Variants in MAGI2 observed in about 807,000 individuals in gnomAD.
The protein encoded by MAGI2 is membrane-associated guanylate kinase, WW and PDZ domain-containing protein 2.
Under a neutral mutation model 133.3 loss-of-function variants are expected in MAGI2, and 35 were observed. The observed-to-expected ratio is 0.26, with a 90% CI of 0.20 to 0.35. The LOEUF is 0.35. Ranked by LOEUF, MAGI2 falls within the 10% of genes least tolerant of loss-of-function variation. The pLI is 1.00. For synonymous variants in MAGI2, 729 were observed against 710.6 expected, an observed-to-expected ratio of 1.03 and a Z score of -0.41; for missense variants, 1,636 against 1,863.4, an observed-to-expected ratio of 0.88 and a Z score of 2.25.
intron 2 of MAGI2, among the ~76,000 whole-genome samples, chr7:78,655,987 AAAAAAAAAAAG>A (rs1373195949): frequency 6.6e-6 from 1 of 150,384 alleles, no homozygotes; most frequent in Admixed American, 6.6e-5. Context: ...TCTCAAAAAA[AAAAAAAAAAAG>A]AAAAAGAAAA....
At chr7:78,880,625 C>A (rs1274360622) in intron 2 of MAGI2, among the ~76,000 whole-genome samples, 2 of 152,162 alleles carry the variant, frequency 1.3e-5, no homozygotes, top group Admixed American at 1.3e-4. Flanking sequence ...CAGAAACACA[C>A]TTAAGTCCAT....
intron 1 of MAGI2, among the ~76,000 whole-genome samples, chr7:79,069,880 A>G (rs950974200): frequency 6.6e-6 from 1 of 152,090 alleles, no homozygotes; most frequent in Non-Finnish European, 1.5e-5. Context: ...GTTTGGATGG[A>G]TATGTAATTC....
At chr7:78,593,536 AC>A (rs1804268716) in intron 3 of MAGI2, among the ~76,000 whole-genome samples, 1 of 152,208 alleles carries the variant, frequency 6.6e-6, no homozygotes, top group Admixed American at 6.5e-5. Context: ...GGGAAACTCG[AC>A]TGGGCTTCTT....
chr7:79,429,646 T>G (rs1847640851), intron 1 of MAGI2, among the ~76,000 whole-genome samples: 1 of 152,184 alleles, frequency 6.6e-6, no homozygotes, highest in Admixed American at 6.5e-5. Flanking sequence ...AAAAGTTGTT[T>G]TAAAAATTGA....
intron 9 of MAGI2, among the ~76,000 whole-genome samples, chr7:78,263,850 C>T (rs1256268917): frequency 6.6e-6 from 1 of 152,144 alleles, no homozygotes; most frequent in Non-Finnish European, 1.5e-5. Flanking sequence ...TTGTCTCCTG[C>T]TTTTTCCAAC....
chr7:78,642,391 G>A (rs781556413), intron 2 of MAGI2, among the ~76,000 whole-genome samples: 1 of 152,170 alleles, frequency 6.6e-6, no homozygotes, highest in African/African-American at 2.4e-5. Context: ...CTTAGGTTAA[G>A]CATTCCAAGA....
chr7:78,141,305 T>C (rs1288231845), intron 16 of MAGI2, among the ~76,000 whole-genome samples: 1 of 152,170 alleles, frequency 6.6e-6, no homozygotes, highest in Non-Finnish European at 1.5e-5. Context: ...AAACTCCTGA[T>C]CTGTTTTTCT....
intron 9 of MAGI2, among the ~76,000 whole-genome samples, chr7:78,340,177 C>A (rs868019773): frequency 1.3e-5 from 2 of 152,020 alleles, no homozygotes; most frequent in Non-Finnish European, 2.9e-5. Flanking sequence ...ATATCATGAA[C>A]TAAATAAATG....
intron 1 of MAGI2, among the ~76,000 whole-genome samples, chr7:79,242,625 T>G (rs1528272): frequency 0.66 from 99,904 of 151,988 alleles, 33,244 homozygotes; most frequent in Non-Finnish European, 0.7. Flanking sequence ...AAAGAAATTA[T>G]CCTGATCTAA....
chr7:78,115,547 T>A (rs1367376868), intron 20 of MAGI2, among the ~76,000 whole-genome samples: 1 of 152,162 alleles, frequency 6.6e-6, no homozygotes, highest in Non-Finnish European at 1.5e-5. Flanking sequence ...ATGCTTATAA[T>A]AATATCAGAC....
intron 16 of MAGI2, among the ~76,000 whole-genome samples, chr7:78,142,029 C>T (rs1370949954): frequency 2.0e-5 from 3 of 152,240 alleles, no homozygotes; most frequent in Admixed American, 1.3e-4. Context: ...TTGTAATTAG[C>T]TATGACTCAA....
intron 2 of MAGI2, among the ~76,000 whole-genome samples, chr7:78,826,123 C>T (rs1286859783): frequency 1.3e-5 from 2 of 151,830 alleles, no homozygotes; most frequent in Non-Finnish European, 2.9e-5. Context: ...GAGGCCGAGG[C>T]GGGCAGATCA....
chr7:78,241,912 C>T (rs189755343), intron 10 of MAGI2, among the ~76,000 whole-genome samples: 157 of 150,616 alleles, frequency 1.0e-3, no homozygotes, highest in Middle Eastern at 3.4e-3. Flanking sequence ...CCAGCCTGGA[C>T]GACAGAGCGA....
At chr7:78,413,710 G>A (rs927217750) in intron 6 of MAGI2, among the ~76,000 whole-genome samples, 3 of 152,000 alleles carry the variant, frequency 2.0e-5, no homozygotes, top group African/African-American at 7.2e-5. Flanking sequence ...GGAAAAACCA[G>A]AAGAGAATGT....
intron 3 of MAGI2, among the ~76,000 whole-genome samples, chr7:78,607,926 T>C (rs1272556807): frequency 2.0e-5 from 3 of 152,202 alleles, no homozygotes; most frequent in Admixed American, 2.0e-4. Context: ...TTCAAGCTTT[T>C]AGACAGGAAC....
intron 3 of MAGI2, among the ~76,000 whole-genome samples, chr7:78,603,830 A>G (rs1018353392): frequency 2.0e-5 from 3 of 151,974 alleles, no homozygotes; most frequent in African/African-American, 7.3e-5. Flanking sequence ...CAATATTTCT[A>G]TTTTCTTATA....
intron 1 of MAGI2, among the ~76,000 whole-genome samples, chr7:79,336,330 C>G (rs1026145372): frequency 6.6e-6 from 1 of 152,010 alleles, no homozygotes; most frequent in African/African-American, 2.4e-5. Flanking sequence ...CTTCAAAGCC[C>G]AAGCTCTTAA....
chr7:78,313,511 G>T (rs921875018), intron 9 of MAGI2, among the ~76,000 whole-genome samples: 8 of 151,756 alleles, frequency 5.3e-5, no homozygotes, highest in African/African-American at 1.5e-4. Flanking sequence ...TAGAAACAAT[G>T]ATACCAACAC....
At chr7:79,040,287 C>T (rs62460833) in intron 1 of MAGI2, among the ~76,000 whole-genome samples, 2,485 of 152,066 alleles carry the variant, frequency 0.016, 27 homozygotes, top group Non-Finnish European at 0.026. Flanking sequence ...ACTGTGTTTC[C>T]GGAGGCCTCC....
Sources: gnomAD v4.1 joint callset for allele counts (sites outside exome capture counted in the v4.1 genomes callset) on GRCh38, gnomAD v4.1.1 for gene constraint, MANE v1.5 for transcripts, NCBI Gene and HGNC (gene_info 2026-07-23, HGNC 2026-07-21) for gene names.